Variants in CROT observed in about 807,000 individuals in gnomAD.
The protein encoded by CROT is carnitine O-octanoyltransferase, also known as peroxisomal carnitine O-octanoyltransferase.
CROT carries 84 observed loss-of-function variants against 89.2 expected under a neutral mutation model. The ratio of observed to expected loss-of-function variants is 0.94; its 90% CI spans 0.79 to 1.13. The LOEUF is 1.13. Ranked by LOEUF, CROT falls within the 50% of genes most tolerant of loss-of-function variation. CROT has a pLI of 0.00. For missense variants in CROT, 711 were observed against 727.8 expected (o/e 0.98, Z 0.27); for synonymous variants, 212 against 239.5 (o/e 0.89, Z 1.06).
At chr7:87,347,047 A>G (rs1271708922) in intron 2 of CROT, among the ~76,000 whole-genome samples, 1 of 152,222 alleles carries the variant, frequency 6.6e-6, no homozygotes, top group Non-Finnish European at 1.5e-5. Flanking sequence ...TCAGTTCTTT[A>G]AGGCCATCTG....
rs76278704 is a variant in CROT, at chr7:87,375,480, T to A, written c.657-152T>A. On this transcript the variant is annotated intron_variant, in intron 7 of 17. Transcript: ENST00000331536. ...TAGAACACAATCACTTAAAAAAATATGTGATGTAGGAAATCTATTGGCATC... is the reference window on the plus strand; with the variant it reads ...TAGAACACAATCACTTAAAAAAATAAGTGATGTAGGAAATCTATTGGCATC... The A allele has an allele frequency of 4.1e-3, 2,338 of 565,718 alleles. 83 individuals are homozygous for A. In the East Asian group the frequency reaches 0.06, roughly 15 times the overall value. The allele number at this position is 565,718 out of a possible 1,614,324, so 35.0% of individuals were successfully genotyped here.
At chr7:87,370,865 T>G (rs951514323) in intron 7 of CROT, among the ~76,000 whole-genome samples, 1 of 152,194 alleles carries the variant, frequency 6.6e-6, no homozygotes, top group Non-Finnish European at 1.5e-5. Flanking sequence ...TGCTGAGTCA[T>G]AGGATATGTG....
At chr7:87,360,377 G>A (rs1376994312) in intron 4 of CROT, among the ~76,000 whole-genome samples, 1 of 152,206 alleles carries the variant, frequency 6.6e-6, no homozygotes, top group African/African-American at 2.4e-5. Flanking sequence ...GTCTTGCTCT[G>A]TTGCCCAGGC....
chr7:87,368,201 G>A (rs1307492558), intron 6 of CROT, among the ~76,000 whole-genome samples: 1 of 152,084 alleles, frequency 6.6e-6, no homozygotes, highest in Admixed American at 6.6e-5. Context: ...TATTTACATG[G>A]CGTACTTTCT....
At chr7:87,396,292 A>ATTT (rs1223690671) in intron 17 of CROT, among the ~76,000 whole-genome samples, 1 of 152,132 alleles carries the variant, frequency 6.6e-6, no homozygotes, top group Non-Finnish European at 1.5e-5. Flanking sequence ...TCACGCACTA[A>ATTT]TAGTCACCAC....
At chr7:87,397,767 T>TTTAAC (rs1584656382) in intron 17 of CROT, among the ~76,000 whole-genome samples, 1 of 152,374 alleles carries the variant, frequency 6.6e-6, no homozygotes, top group East Asian at 1.9e-4. Flanking sequence ...TTTCTCTTTG[T>TTTAAC]TTAACTTAAA....
intron 3 of CROT, among the ~76,000 whole-genome samples, chr7:87,358,229 G>C (rs1806150155): frequency 6.6e-6 from 1 of 151,954 alleles, no homozygotes; most frequent in Non-Finnish European, 1.5e-5. Flanking sequence ...TGTAATCCTA[G>C]CACTTTGGGA....
At chr7:87,359,360 A>T in intron 4 of CROT, 30 bp downstream of exon 4, 1 of 1,556,288 alleles carries the variant, frequency 6.4e-7, no homozygotes, top group Non-Finnish European at 8.7e-7. Context: ...AATAATGATG[A>T]TGTTTAAAGA....
At chr7:87,379,411 A>G (rs1446572743) in intron 10 of CROT, among the ~76,000 whole-genome samples, 1 of 152,190 alleles carries the variant, frequency 6.6e-6, no homozygotes, top group Non-Finnish European at 1.5e-5. Flanking sequence ...ATTGGATGTT[A>G]TATTGTTATA....
intron 7 of CROT, chr7:87,369,789 T>C (rs536170540): frequency 6.6e-6 from 1 of 151,238 alleles, no homozygotes; most frequent in East Asian, 1.9e-4. Context: ...CCTGTTGCAA[T>C]GAATTTACAT....
intron 3 of CROT, among the ~76,000 whole-genome samples, chr7:87,349,797 A>G (rs941768564): frequency 6.6e-6 from 1 of 151,990 alleles, no homozygotes; most frequent in South Asian, 2.1e-4. Context: ...TTCCCCCTCT[A>G]CTTATGAGAG....
chr7:87,353,135 A>AT (rs909251520), intron 3 of CROT, among the ~76,000 whole-genome samples: 2 of 151,384 alleles, frequency 1.3e-5, no homozygotes, highest in African/African-American at 4.9e-5. Flanking sequence ...CCTTTAACGG[A>AT]TTTTTTTTCT....
intron 3 of CROT, chr7:87,354,293 T>C (rs565844042): frequency 3.6e-4 from 180 of 494,616 alleles, no homozygotes; most frequent in Non-Finnish European, 5.4e-4. Context: ...CTTAAGACAG[T>C]TACCAAAAAG....
At chr7:87,384,002 T>A (rs1482939450) in intron 13 of CROT, among the ~76,000 whole-genome samples, 1 of 152,148 alleles carries the variant, frequency 6.6e-6, no homozygotes, top group Non-Finnish European at 1.5e-5. Context: ...TTTCAGACTG[T>A]TCGCCATAGT....
intron 13 of CROT, 139 bp downstream of exon 13, chr7:87,382,682 C>G (rs1462167094): frequency 1.3e-6 from 1 of 781,176 alleles, no homozygotes; most frequent in East Asian, 2.6e-5. Flanking sequence ...GTACTTCCAT[C>G]AATAGAGTAT....
At chr7:87,374,762 T>C (rs1279872573) in intron 7 of CROT, among the ~76,000 whole-genome samples, 1 of 152,076 alleles carries the variant, frequency 6.6e-6, no homozygotes, top group Non-Finnish European at 1.5e-5. Context: ...GAGGAGAGTA[T>C]GCAAATCAGT....
intron 17 of CROT, among the ~76,000 whole-genome samples, chr7:87,398,097 C>G (rs1807601297): frequency 9.5e-6 from 1 of 104,800 alleles, no homozygotes; most frequent in African/African-American, 3.2e-5. Flanking sequence ...TATCATCCTT[C>G]TCTGCCTTTT....
At chr7:87,368,949 TC>T (rs1806536686) in intron 6 of CROT, among the ~76,000 whole-genome samples, 1 of 152,256 alleles carries the variant, frequency 6.6e-6, no homozygotes, top group African/African-American at 2.4e-5. Flanking sequence ...TATTGAGTTA[TC>T]ATAGCTAGAT....
intron 13 of CROT, among the ~76,000 whole-genome samples, chr7:87,388,133 T>A (rs1244475797): frequency 6.6e-6 from 1 of 152,092 alleles, no homozygotes; most frequent in African/African-American, 2.4e-5. Context: ...CCAAGGTACC[T>A]CACTTCAAAG....
Sources: gnomAD v4.1 joint callset for allele counts (sites outside exome capture counted in the v4.1 genomes callset) on GRCh38, gnomAD v4.1.1 for gene constraint, MANE v1.5 for transcripts, NCBI Gene and HGNC (gene_info 2026-07-23, HGNC 2026-07-21) for gene names.